The following FBXL4 variants were observed in gnomAD, a reference collection of about 807,000 sequenced individuals.
FBXL4 encodes F-box/LRR-repeat protein 4.
Under a neutral mutation model 58.9 loss-of-function variants are expected in FBXL4, and 40 were observed. That is an observed-to-expected ratio of 0.68 (90% CI 0.53 to 0.88). FBXL4 has a LOEUF of 0.88. Among genes scored for constraint, FBXL4 ranks in the 40% least tolerant of loss-of-function variants. The pLI is 0.00. For synonymous variants in FBXL4, 263 were observed against 265.5 expected, an observed-to-expected ratio of 0.99 and a Z score of 0.09; for missense variants, 676 against 734.4, an observed-to-expected ratio of 0.92 and a Z score of 0.92.
rs1349658850 is a variant in FBXL4, at chr6:98,869,118, A to G, written c.*5160T>C. 6.6e-6 allele frequency: 1 copy of G among 152,238 alleles called. No individual in the cohort carries two copies. The highest frequency in any genetic ancestry group is 1.5e-5 in the Non-Finnish European group (1 of 68,034). 9.4% of individuals were successfully genotyped at this position (152,238 alleles called of 1,614,324 possible). A position where few individuals can be genotyped will look rare whatever the true frequency, so the allele number is the denominator to read the frequency against. On this transcript the variant is annotated 3_prime_UTR_variant, in exon 10 of 10. Transcript: ENST00000369244. Reference sequence around the variant, plus strand: ...GGTTTCTAGTAGTATGTTGTCAAAAAAAGCAAATGAGGTGATGATTGGCAG... The same window carrying G: ...GGTTTCTAGTAGTATGTTGTCAAAAGAAGCAAATGAGGTGATGATTGGCAG...
At chr6:98,874,897 G>C (rs1467659052) in intron 9 of FBXL4, among the ~76,000 whole-genome samples, 1 of 152,180 alleles carries the variant, frequency 6.6e-6, no homozygotes, top group Non-Finnish European at 1.5e-5. Context: ...ATTACACAGG[G>C]TTCCTTTCTG....
chr6:98,878,673 G>A (rs948301459), intron 8 of FBXL4, among the ~76,000 whole-genome samples: 26 of 152,014 alleles, frequency 1.7e-4, no homozygotes, highest in African/African-American at 6.0e-4. Flanking sequence ...AGAGTCTATG[G>A]CCAGAGGCTT....
chr6:98,874,188 C>T lies in FBXL4; in HGVS notation c.*90G>A, dbSNP rs111226417. The T allele has an allele frequency of 4.3e-6, 4 of 937,890 alleles. No homozygotes were observed. Among genetic ancestry groups the T allele is most frequent in the South Asian group, 5.3e-5 (2 of 38,078 alleles). 58.1% of individuals were successfully genotyped at this position (937,890 alleles called of 1,614,324 possible). A position where few individuals can be genotyped will look rare whatever the true frequency, so the allele number is the denominator to read the frequency against. ...AATCTACAAATGTCTTAATTCTTAC[C>T]ATTAAAACAACTAAAAACAAAACCC... On this transcript the variant is annotated 3_prime_UTR_variant, in exon 10 of 10. Coordinates refer to ENST00000369244, the MANE Select transcript of FBXL4 (RefSeq NM_001278716.2).
At chr6:98,947,027 A>C (rs1381801369) in intron 1 of FBXL4, among the ~76,000 whole-genome samples, 1 of 152,236 alleles carries the variant, frequency 6.6e-6, no homozygotes, top group Non-Finnish European at 1.5e-5. Flanking sequence ...AAGCAAGCAG[A>C]GATCCCTGCA....
chr6:98,913,280 T>C (rs376681970), intron 5 of FBXL4, among the ~76,000 whole-genome samples: 10,673 of 151,568 alleles, frequency 0.07, 554 homozygotes, highest in East Asian at 0.27. Flanking sequence ...GACAGAAAGT[T>C]AACAAGGATA....
intron 2 of FBXL4, among the ~76,000 whole-genome samples, chr6:98,932,672 C>T (rs1773057386): frequency 6.6e-6 from 1 of 151,972 alleles, no homozygotes; most frequent in African/African-American, 2.4e-5. Flanking sequence ...ATAACAAAGG[C>T]AGCAATCAGA....
chr6:98,915,891 A>C (rs1396336640), intron 5 of FBXL4, among the ~76,000 whole-genome samples: 1 of 150,940 alleles, frequency 6.6e-6, no homozygotes, highest in East Asian at 2.0e-4. Flanking sequence ...GCAACCTACA[A>C]AATGGGAGAA....
intron 7 of FBXL4, chr6:98,898,403 A>G (rs997876086): frequency 5.1e-6 from 5 of 985,266 alleles, no homozygotes; most frequent in African/African-American, 1.7e-5. Context: ...AAGTATGTGT[A>G]AAACCATGCA....
In FBXL4 at chr6:98,927,075, G is replaced by C. The variant is rs909400893; in HGVS notation, c.-72-15C>G. ...TGAAGGATGTTCTAAAAAAATGAAT[G>C]GCTTGGTGAAGTAAAATAATTTAAA... On this transcript the variant is annotated splice_polypyrimidine_tract_variant and intron_variant, in intron 3 of 9. Transcript: ENST00000369244. The C allele has an allele frequency of 7.5e-6, 10 of 1,329,342 alleles. No individual in the cohort carries two copies. Among genetic ancestry groups the C allele is most frequent in the Admixed American group, 2.2e-5 (1 of 45,734 alleles). 82.3% of individuals were successfully genotyped at this position (1,329,342 alleles called of 1,614,324 possible).
chr6:98,938,007 A>G lies in FBXL4; in HGVS notation c.-308-3128T>C, dbSNP rs534465475. ...GCTCTTGAATTTCTCTAAGATCCAT[A>G]TCTTGAAACCCTTCATCCTCCTCCC... On this transcript the variant is annotated intron_variant, in intron 1 of 9. Coordinates refer to ENST00000369244, the MANE Select transcript of FBXL4 (RefSeq NM_001278716.2). Among the ~76,000 whole-genome samples, 6 of 140,176 alleles carry G rather than the reference A, an allele frequency of 4.3e-5. No individual in the cohort carries two copies. In the East Asian group the frequency reaches 1.2e-3, roughly 28 times the overall value. The allele number at this position is 140,176 out of a possible 152,430, so 92.0% of individuals were successfully genotyped here.
At chr6:98,890,983 A>ATTT (rs1393677555) in intron 7 of FBXL4, among the ~76,000 whole-genome samples, 17 of 152,224 alleles carry the variant, frequency 1.1e-4, no homozygotes, top group Non-Finnish European at 2.2e-4. Context: ...AGTACTTGAA[A>ATTT]CTAAACATAT....
At position 98,880,535 on chromosome 6, in the gene FBXL4, G is replaced by T. The variant is rs200207652; in HGVS notation, c.1389+18C>A. ...AGAACAAGTAATTGAGTAGTATAAAGAATTCTCAAACACTTACCATGACAC... is the reference window on the plus strand; with the variant it reads ...AGAACAAGTAATTGAGTAGTATAAATAATTCTCAAACACTTACCATGACAC... On this transcript the variant is annotated intron_variant, in intron 8 of 9. Coordinates refer to ENST00000369244, the MANE Select transcript of FBXL4 (RefSeq NM_001278716.2). 8.1e-6 allele frequency: 13 copies of T among 1,608,102 alleles called. No individual in the cohort carries two copies. The highest frequency in any genetic ancestry group is 1.1e-5 in the Non-Finnish European group (13 of 1,174,752).
intron 4 of FBXL4, among the ~76,000 whole-genome samples, chr6:98,921,946 G>A (rs577275676): frequency 6.6e-6 from 1 of 152,040 alleles, no homozygotes; most frequent in East Asian, 1.9e-4. Context: ...TATTTTCTGA[G>A]TCTTACATAA....
chr6:98,938,299 T>C (rs1773299530), intron 1 of FBXL4, among the ~76,000 whole-genome samples: 1 of 152,142 alleles, frequency 6.6e-6, no homozygotes, highest in Non-Finnish European at 1.5e-5. Flanking sequence ...GTACCATGTA[T>C]AGTAAGCCTT....
intron 8 of FBXL4, 118 bp downstream of exon 8, chr6:98,880,435 C>A: frequency 1.3e-6 from 1 of 761,536 alleles, no homozygotes; most frequent in East Asian, 2.7e-5. Context: ...AAGAAGAGAA[C>A]CATAAATCTG....
At position 98,934,851 on chromosome 6, in the gene FBXL4, G is replaced by A. The variant is rs1405999461; in HGVS notation, c.-280C>T. ...CCAAGCGAATGAAGCAAATGGAGAA[G>A]GCAAGGGAACCAGGCCAGGAAGAAA... is the stretch of plus-strand genomic sequence containing the variant. On this transcript the variant is annotated 5_prime_UTR_variant, in exon 2 of 10. Coordinates refer to ENST00000369244, the MANE Select transcript of FBXL4 (RefSeq NM_001278716.2). The A allele has an allele frequency of 6.6e-6, 1 of 152,184 alleles. No individual in the cohort carries two copies. The highest frequency in any genetic ancestry group is 2.4e-5 in the African/African-American group (1 of 41,424). 9.4% of individuals were successfully genotyped at this position (152,184 alleles called of 1,614,324 possible).
chr6:98,942,580 T>C (rs1053057370), intron 1 of FBXL4, among the ~76,000 whole-genome samples: 14 of 152,246 alleles, frequency 9.2e-5, no homozygotes, highest in African/African-American at 3.1e-4. Flanking sequence ...CCCTTGCTCC[T>C]GCTTTGCCTG....
At chr6:98,945,030 A>C (rs1442589804) in intron 1 of FBXL4, among the ~76,000 whole-genome samples, 1 of 152,184 alleles carries the variant, frequency 6.6e-6, no homozygotes, top group Non-Finnish European at 1.5e-5. Flanking sequence ...TGGCAATGTG[A>C]TATGGCAAAA....
intron 7 of FBXL4, among the ~76,000 whole-genome samples, chr6:98,888,604 C>G (rs1469144101): frequency 6.6e-6 from 1 of 152,168 alleles, no homozygotes; most frequent in African/African-American, 2.4e-5. Flanking sequence ...CTGGTTAGGT[C>G]TCAAAACTCA....
Sources: gnomAD v4.1 joint callset for allele counts (sites outside exome capture counted in the v4.1 genomes callset) on GRCh38, gnomAD v4.1.1 for gene constraint, MANE v1.5 for transcripts, NCBI Gene and HGNC (gene_info 2026-07-23, HGNC 2026-07-21) for gene names.